PGPEP1L: variants seen among roughly 807,000 people sequenced by gnomAD.
PGPEP1L encodes pyroglutamyl-peptidase I like.
A neutral mutation model predicts 6.0 loss-of-function variants in PGPEP1L; 7 were observed. That is an observed-to-expected ratio of 1.17 (90% CI 0.66 to 2.19). The LOEUF is 2.19. PGPEP1L is among the 30% of genes most tolerant of loss of function. The probability of loss-of-function intolerance (pLI) is 0.00; values close to 1 mark genes in which losing one functional copy is unlikely to be tolerated. For missense variants in PGPEP1L, 209 were observed against 192.5 expected, an observed-to-expected ratio of 1.09 and a Z score of -0.51; for synonymous variants, 103 against 83.9, an observed-to-expected ratio of 1.23 and a Z score of -1.24.
In PGPEP1L at chr15:98,968,365, T is replaced by G; in HGVS notation, c.*113A>C. On this transcript the variant is annotated 3_prime_UTR_variant, in exon 5 of 5. Transcript: ENST00000535714. Reference sequence around the variant, plus strand: ...GTGATTTTGTTGGGCTAATTCAGAGTTTTCCACCCTCTTTGTCTTACAAGC... The same window carrying G: ...GTGATTTTGTTGGGCTAATTCAGAGGTTTCCACCCTCTTTGTCTTACAAGC... 1.9e-6 allele frequency: 2 copies of G among 1,073,178 alleles called. No individual in the cohort carries two copies. The highest frequency in any genetic ancestry group is 2.7e-6 in the Non-Finnish European group (2 of 738,440). 66.5% of individuals were successfully genotyped at this position (1,073,178 alleles called of 1,614,324 possible). A position where few individuals can be genotyped will look rare whatever the true frequency, so the allele number is the denominator to read the frequency against.
intron 2 of PGPEP1L, among the ~76,000 whole-genome samples, chr15:98,984,311 G>A (rs904113137): frequency 6.6e-6 from 1 of 152,084 alleles, no homozygotes. Flanking sequence ...TGCTCGGCCT[G>A]GAGTAAGTAC....
intron 2 of PGPEP1L, among the ~76,000 whole-genome samples, chr15:98,985,483 A>G (rs2017734803): frequency 6.6e-6 from 1 of 152,254 alleles, no homozygotes; most frequent in African/African-American, 2.4e-5. Context: ...AGTTGCAGTG[A>G]GCCAAGATGG....
intron 1 of PGPEP1L, among the ~76,000 whole-genome samples, chr15:99,006,661 AATT>A (rs1340067565): frequency 5.9e-5 from 9 of 152,266 alleles, no homozygotes; most frequent in Admixed American, 5.9e-4. Context: ...AGACTGCATC[AATT>A]ATTTTTTTCA....
In PGPEP1L at chr15:98,987,165, C is replaced by CAAAAAAAAAAAAAAAAAAAAAAA. The variant is rs57923635; in HGVS notation, c.-141-16030_-141-16008dup. 9.0e-5 allele frequency among the ~76,000 whole-genome samples: 3 copies of CAAAAAAAAAAAAAAAAAAAAAAA among 33,396 alleles called. 1 individual carries two copies. Among genetic ancestry groups the CAAAAAAAAAAAAAAAAAAAAAAA allele is most frequent in the East Asian group, 3.3e-3 (2 of 608 alleles). 21.9% of individuals were successfully genotyped at this position (33,396 alleles called of 152,430 possible). A position where few individuals can be genotyped will look rare whatever the true frequency, so the allele number is the denominator to read the frequency against. ...TGGGTGACAGAGTGAGACTCCATCT[C>CAAAAAAAAAAAAAAAAAAAAAAA]AAAAAAAAAAAAAAAAAAAAAAAAA... On this transcript the variant is annotated intron_variant, in intron 2 of 4. Transcript: ENST00000535714.
chr15:99,000,726 A>G (rs532792478), intron 2 of PGPEP1L, among the ~76,000 whole-genome samples: 6 of 152,244 alleles, frequency 3.9e-5, no homozygotes, highest in African/African-American at 1.2e-4. Context: ...AAACACACCA[A>G]TCAGCACCCT....
At chr15:98,984,887 A>C (rs1190223781) in intron 2 of PGPEP1L, among the ~76,000 whole-genome samples, 1 of 152,100 alleles carries the variant, frequency 6.6e-6, no homozygotes, top group African/African-American at 2.4e-5. Flanking sequence ...ACGGTGGAGA[A>C]GACAAACTCG....
intron 4 of PGPEP1L, 77 bp from the exon 5 acceptor site, chr15:98,968,774 G>T: frequency 7.4e-7 from 1 of 1,348,628 alleles, no homozygotes; most frequent in Non-Finnish European, 1.0e-6. Context: ...AAGTGGCAAT[G>T]CAACACCCAC....
intron 2 of PGPEP1L, among the ~76,000 whole-genome samples, chr15:98,984,781 T>G (rs945388112): frequency 6.6e-6 from 1 of 152,028 alleles, no homozygotes; most frequent in Non-Finnish European, 1.5e-5. Flanking sequence ...TGCAGATTGA[T>G]AGTGAAGAGA....
rs761923096 is a variant in PGPEP1L, at chr15:98,969,475, C to T, written c.159G>A (p.Lys53=). The change falls in exon 4 of 5, where the codon AAG becomes AAA. Residue 53 remains lysine (K), a synonymous_variant. Coordinates refer to ENST00000535714, the MANE Select transcript of PGPEP1L (RefSeq NM_001167902.2). ...CGTCGACACCCTCCACAGCTACGCG[C>T]TTGCAGACTGCCTTCATGCAGACCC... is the stretch of plus-strand genomic sequence containing the variant. ...ESGVCMKAVC[K]RVAVEGVDVI... The T allele has an allele frequency of 6.8e-6, 11 of 1,614,066 alleles. No homozygotes were observed. Among genetic ancestry groups the T allele is most frequent in the South Asian group, 1.1e-5 (1 of 91,080 alleles).
At chr15:98,989,681 A>AC (rs1231213475) in intron 2 of PGPEP1L, among the ~76,000 whole-genome samples, 3 of 152,232 alleles carry the variant, frequency 2.0e-5, no homozygotes, top group African/African-American at 7.2e-5. Flanking sequence ...CATAATTGTC[A>AC]GATTCACCAT....
intron 2 of PGPEP1L, among the ~76,000 whole-genome samples, chr15:98,990,161 G>A (rs1388166586): frequency 6.6e-6 from 1 of 152,056 alleles, no homozygotes; most frequent in African/African-American, 2.4e-5. Flanking sequence ...TGGGCTAAAT[G>A]CCCCAATTAA....
intron 2 of PGPEP1L, among the ~76,000 whole-genome samples, chr15:98,992,828 C>G (rs981934578): frequency 1.3e-5 from 2 of 152,116 alleles, no homozygotes; most frequent in South Asian, 4.1e-4. Flanking sequence ...ACAAACCTGA[C>G]AAAAACAAGC....
intron 3 of PGPEP1L, 63 bp downstream of exon 3, chr15:98,970,973 G>C (rs910635591): frequency 6.3e-7 from 1 of 1,599,668 alleles, no homozygotes; most frequent in African/African-American, 1.3e-5. Flanking sequence ...AGGACCCGGG[G>C]GTTCAGAGGC....
intron 2 of PGPEP1L, among the ~76,000 whole-genome samples, chr15:99,004,499 C>T (rs1441989635): frequency 1.3e-5 from 2 of 152,244 alleles, no homozygotes; most frequent in South Asian, 4.1e-4. Context: ...GCGGGCAGAT[C>T]ACAAGGTCAA....
At chr15:99,004,108 A>G (rs2018012836) in intron 2 of PGPEP1L, among the ~76,000 whole-genome samples, 1 of 144,594 alleles carries the variant, frequency 6.9e-6, no homozygotes, top group Non-Finnish European at 1.5e-5. Context: ...AAATGTGTCT[A>G]ACTAAAAATG....
chr15:98,969,550 C>T lies in PGPEP1L; in HGVS notation c.84G>A (p.Trp28Ter). ...GYRDADIRSFWPEGGVCLPGS... is the reference protein window; with the variant it reads ...GYRDADIRSF ...CAGGTAGGCACACGCCGCCCTCGGG[C>T]CAGAAGCTGCGGATGTCGGCGTCCC... is the stretch of plus-strand genomic sequence containing the variant. Residue 28 changes from tryptophan to a stop codon, truncating the protein, a stop_gained, in exon 4 of 5, where the codon TGG becomes TGA. Transcript: ENST00000535714. LOFTEE classifies it high-confidence loss of function. The T allele has an allele frequency of 6.2e-7, 1 of 1,614,030 alleles. No homozygotes were observed. The highest frequency in any genetic ancestry group is 8.5e-7 in the Non-Finnish European group (1 of 1,179,914).
intron 2 of PGPEP1L, among the ~76,000 whole-genome samples, chr15:99,004,406 CAG>C (rs1198025203): frequency 6.8e-6 from 1 of 147,750 alleles, no homozygotes; most frequent in Non-Finnish European, 1.5e-5. Flanking sequence ...GAGACTGTCT[CAG>C]AAAAATTAAA....
At chr15:98,991,606 G>A (rs2017820767) in intron 2 of PGPEP1L, among the ~76,000 whole-genome samples, 2 of 152,142 alleles carry the variant, frequency 1.3e-5, no homozygotes, top group Non-Finnish European at 2.9e-5. Context: ...CATTTTAGGA[G>A]GCGAGCATCA....
At chr15:99,002,969 A>C (rs1415035194) in intron 2 of PGPEP1L, among the ~76,000 whole-genome samples, 1 of 152,190 alleles carries the variant, frequency 6.6e-6, no homozygotes, top group Admixed American at 6.5e-5. Context: ...AGTTCTGGAG[A>C]GAAACTTGAA....
Sources: gnomAD v4.1 joint callset for allele counts (sites outside exome capture counted in the v4.1 genomes callset) on GRCh38, gnomAD v4.1.1 for gene constraint, MANE v1.5 for transcripts, NCBI Gene and HGNC (gene_info 2026-07-23, HGNC 2026-07-21) for gene names.